Variants in PRDM6 observed in about 807,000 individuals in gnomAD.
The protein encoded by PRDM6 is putative histone-lysine N-methyltransferase PRDM6.
PRDM6 carries 25 observed loss-of-function variants against 60.8 expected under a neutral mutation model. That is an observed-to-expected ratio of 0.41 (90% CI 0.30 to 0.57). The LOEUF is 0.57. Ranked by LOEUF, PRDM6 falls within the 20% of genes least tolerant of loss-of-function variation. The pLI, the probability that PRDM6 is intolerant of heterozygous loss-of-function variation, is 0.27. For synonymous variants in PRDM6, 407 were observed against 357.4 expected (o/e 1.14, Z -1.57); for missense variants, 839 against 821.3 (o/e 1.02, Z -0.26).
In PRDM6 at chr5:123,180,132, G is replaced by T; in HGVS notation, c.1497-15G>T. 2 of 1,527,402 alleles carry T rather than the reference G, an allele frequency of 1.3e-6. No homozygotes were observed. The highest frequency in any genetic ancestry group is 1.8e-6 in the Non-Finnish European group (2 of 1,131,348). The allele number at this position is 1,527,402 out of a possible 1,614,324, so 94.6% of individuals were successfully genotyped here. On this transcript the variant is annotated splice_polypyrimidine_tract_variant and intron_variant, in intron 6 of 7. Transcript: ENST00000407847. ...GCAGAAAACAATGACCAGACAGTCT[G>T]TTTATTTGTTTCAGACCCTACCAAT...
intron 3 of PRDM6, among the ~76,000 whole-genome samples, chr5:123,142,890 AAAAAAAAAAAAAC>A (rs1334454653): frequency 6.7e-6 from 1 of 149,014 alleles, no homozygotes; most frequent in Non-Finnish European, 1.5e-5. Flanking sequence ...AAAAAAAAAA[AAAAAAAAAAAAAC>A]AAACAAACCA....
intron 3 of PRDM6, among the ~76,000 whole-genome samples, chr5:123,135,261 A>G (rs560370741): frequency 6.6e-6 from 1 of 152,342 alleles, no homozygotes; most frequent in African/African-American, 2.4e-5. Flanking sequence ...TGCATTTAAA[A>G]CATTTTATTT....
At chr5:123,092,844 A>T (rs1763872125) in intron 2 of PRDM6, among the ~76,000 whole-genome samples, 2 of 152,230 alleles carry the variant, frequency 1.3e-5, no homozygotes, top group Non-Finnish European at 2.9e-5. Context: ...CTGGACAAGC[A>T]AGCTTAGGCA....
chr5:123,150,835 C>T (rs1033713809), intron 3 of PRDM6, among the ~76,000 whole-genome samples: 6 of 152,108 alleles, frequency 3.9e-5, no homozygotes, highest in Non-Finnish European at 8.8e-5. Context: ...CTTTTCTGGG[C>T]CCTTTCTGTG....
rs78253726 is a variant in PRDM6 at position 123,161,323 on chromosome 5, G to T, written c.1153+1685G>T. ...AATACAGCAGTGAACAAAATGGAAA[G>T]AATCCCTGCCCTCATGGAGCTTACA... On this transcript the variant is annotated intron_variant, in intron 5 of 7. Coordinates refer to ENST00000407847, the MANE Select transcript of PRDM6 (RefSeq NM_001136239.4). Among the ~76,000 whole-genome samples the T allele has an allele frequency of 1.1e-3, 171 of 152,322 alleles. 3 individuals carry two copies. The East Asian group carries it at 0.02, about 18-fold the overall frequency.
At chr5:123,109,561 T>C (rs1764262260) in intron 3 of PRDM6, among the ~76,000 whole-genome samples, 1 of 152,190 alleles carries the variant, frequency 6.6e-6, no homozygotes, top group Non-Finnish European at 1.5e-5. Context: ...TTAAGTAATA[T>C]TTCAGTGTAA....
In PRDM6 at chr5:123,191,110, G is replaced by C. The variant is rs1273894571; in HGVS notation, c.*3909G>C. On this transcript the variant is annotated 3_prime_UTR_variant, in exon 8 of 8. Coordinates refer to ENST00000407847, the MANE Select transcript of PRDM6 (RefSeq NM_001136239.4). ...GGTTTTTATGACCCCCCCTTTCAATGATAAGGCAACAAGTTGGGTACAAGG... is the reference window on the plus strand; with the variant it reads ...GGTTTTTATGACCCCCCCTTTCAATCATAAGGCAACAAGTTGGGTACAAGG... 1 of 152,196 alleles carries C rather than the reference G, an allele frequency of 6.6e-6. No individual in the cohort carries two copies. Among genetic ancestry groups the C allele is most frequent in the East Asian group, 1.9e-4 (1 of 5,200 alleles). 9.4% of individuals were successfully genotyped at this position (152,196 alleles called of 1,614,324 possible).
intron 3 of PRDM6, among the ~76,000 whole-genome samples, chr5:123,105,157 C>G (rs1764176617): frequency 6.6e-6 from 1 of 152,316 alleles, no homozygotes; most frequent in Non-Finnish European, 1.5e-5. Flanking sequence ...CAAATTGCTT[C>G]TTTTATCAAT....
intron 4 of PRDM6, 123 bp downstream of exon 4, chr5:123,156,134 T>A: frequency 1.2e-6 from 1 of 834,288 alleles, no homozygotes; most frequent in Non-Finnish European, 1.7e-6. Flanking sequence ...TGGCAGACAT[T>A]TTTTTTTTTT....
At chr5:123,160,786 C>A (rs1765612785) in intron 5 of PRDM6, among the ~76,000 whole-genome samples, 1 of 152,218 alleles carries the variant, frequency 6.6e-6, no homozygotes, top group Non-Finnish European at 1.5e-5. Context: ...TTTGCACATA[C>A]AGTACATTCC....
chr5:123,172,957 C>T lies in PRDM6; in HGVS notation c.1496+1849C>T, dbSNP rs1765927337. On this transcript the variant is annotated intron_variant, in intron 6 of 7. Coordinates refer to ENST00000407847, the MANE Select transcript of PRDM6 (RefSeq NM_001136239.4). ...CTGTAAACCCAGCACTTTGGGAGGCCGAGGCAGGCGGATCACGAGGTCAGG... is the reference window on the plus strand; with the variant it reads ...CTGTAAACCCAGCACTTTGGGAGGCTGAGGCAGGCGGATCACGAGGTCAGG... Among the ~76,000 whole-genome samples the T allele has an allele frequency of 2.0e-5, 3 of 152,046 alleles. 1 individual carries two copies. Among genetic ancestry groups the T allele is most frequent in the Admixed American group, 2.0e-4 (3 of 15,268 alleles).
chr5:123,189,848 G>A lies in PRDM6; in HGVS notation c.*2647G>A, dbSNP rs1036094988. On this transcript the variant is annotated 3_prime_UTR_variant, in exon 8 of 8. Coordinates refer to ENST00000407847, the MANE Select transcript of PRDM6 (RefSeq NM_001136239.4). Reference sequence around the variant, plus strand: ...GACATTGACTTGGAACCCTGAAGCAGGTACTGAGATCATTTGGGTCCAAAA... The same window carrying A: ...GACATTGACTTGGAACCCTGAAGCAAGTACTGAGATCATTTGGGTCCAAAA... 2 of 152,212 alleles carry A rather than the reference G, an allele frequency of 1.3e-5. No homozygotes were observed. Among genetic ancestry groups the A allele is most frequent in the African/African-American group, 4.8e-5 (2 of 41,440 alleles). 9.4% of individuals were successfully genotyped at this position (152,212 alleles called of 1,614,324 possible).
At chr5:123,169,676 A>T (rs960238924) in intron 5 of PRDM6, among the ~76,000 whole-genome samples, 4 of 152,228 alleles carry the variant, frequency 2.6e-5, no homozygotes, top group African/African-American at 9.6e-5. Flanking sequence ...ACCAGGGACC[A>T]AATCACGGAT....
intron 3 of PRDM6, among the ~76,000 whole-genome samples, chr5:123,149,202 G>A (rs1167493497): frequency 1.3e-5 from 2 of 152,162 alleles, no homozygotes; most frequent in Non-Finnish European, 2.9e-5. Flanking sequence ...AACCAGAAAG[G>A]TTAGTAGGCC....
intron 3 of PRDM6, among the ~76,000 whole-genome samples, chr5:123,148,295 A>G (rs1037207440): frequency 3.3e-5 from 5 of 152,156 alleles, no homozygotes; most frequent in Non-Finnish European, 7.3e-5. Flanking sequence ...ACCATTACTC[A>G]CTTATTTTAT....
At chr5:123,095,600 G>C (rs1303201836) in intron 2 of PRDM6, among the ~76,000 whole-genome samples, 1 of 152,234 alleles carries the variant, frequency 6.6e-6, no homozygotes, top group East Asian at 1.9e-4. Context: ...CTCGGGTCTC[G>C]GCCTGCGAGA....
At position 123,188,951 on chromosome 5, in the gene PRDM6, GA is replaced by G. The variant is rs1247071552; in HGVS notation, c.*1752del. On this transcript the variant is annotated 3_prime_UTR_variant, in exon 8 of 8. Transcript: ENST00000407847. Reference sequence around the variant, plus strand: ...TATATACACATAATAATAATCTCTAGAACCCTGGGCCATAAAGAAAAAAATG... The same window carrying G: ...TATATACACATAATAATAATCTCTAGACCCTGGGCCATAAAGAAAAAAATG... The G allele has an allele frequency of 6.6e-6, 1 of 151,966 alleles. No individual in the cohort carries two copies. The highest frequency in any genetic ancestry group is 1.9e-4 in the East Asian group (1 of 5,196). The allele number at this position is 151,966 out of a possible 1,614,324, so 9.4% of individuals were successfully genotyped here.
chr5:123,134,638 A>C (rs769513233), intron 3 of PRDM6, among the ~76,000 whole-genome samples: 17 of 152,186 alleles, frequency 1.1e-4, no homozygotes, highest in Non-Finnish European at 1.6e-4. Context: ...TGTGTCTGTC[A>C]TAAAATGGTT....
intron 2 of PRDM6, among the ~76,000 whole-genome samples, chr5:123,098,844 G>GTGTAATTGTAAAAAGAGGAAAGCTGAA: frequency 7.0e-6 from 1 of 143,368 alleles, no homozygotes; most frequent in South Asian, 2.4e-4. Flanking sequence ...CGCCCCACCT[G>GTGTAATTGTAAAAAGAGGAAAGCTGAA]TCCCCGCCCT....
Sources: allele counts gnomAD v4.1 joint callset (sites outside exome capture counted in the v4.1 genomes callset), GRCh38; gene constraint gnomAD v4.1.1; transcripts MANE v1.5; gene names NCBI Gene and HGNC (gene_info 2026-07-23, HGNC 2026-07-21).